The following ADGRL2 variants were observed in gnomAD, a reference collection of about 807,000 sequenced individuals.
The protein encoded by ADGRL2 is adhesion G protein-coupled receptor L2.
Under a neutral mutation model 157.4 loss-of-function variants are expected in ADGRL2, and 44 were observed. That is an observed-to-expected ratio of 0.28 (90% CI 0.22 to 0.36). The LOEUF is 0.36. ADGRL2 is among the 10% of genes least tolerant of loss of function. The probability of loss-of-function intolerance (pLI) is 1.00; values close to 1 mark genes in which losing one functional copy is unlikely to be tolerated. For synonymous variants in ADGRL2, 585 were observed against 624.7 expected, an observed-to-expected ratio of 0.94 and a Z score of 0.95; for missense variants, 1,510 against 1,768.9, an observed-to-expected ratio of 0.85 and a Z score of 2.63.
chr1:81,910,709 G>T (rs1572070001), intron 3 of ADGRL2, among the ~76,000 whole-genome samples: 1 of 147,324 alleles, frequency 6.8e-6, no homozygotes, highest in Non-Finnish European at 1.5e-5. Flanking sequence ...AATAATTATT[G>T]CTTATATAGA....
At chr1:81,790,061 C>A (rs867219652) in intron 2 of ADGRL2, among the ~76,000 whole-genome samples, 1 of 152,062 alleles carries the variant, frequency 6.6e-6, no homozygotes, top group African/African-American at 2.4e-5. Flanking sequence ...GAATGTAAGT[C>A]CTGTTGATTC....
At chr1:81,732,947 C>A (rs996105213) in intron 1 of ADGRL2, among the ~76,000 whole-genome samples, 2 of 152,200 alleles carry the variant, frequency 1.3e-5, no homozygotes, top group Non-Finnish European at 2.9e-5. Context: ...TTCAAATACT[C>A]TTAATCTAAA....
At position 81,932,091 on chromosome 1, in the gene ADGRL2, T is replaced by C. The variant is rs75891733; in HGVS notation, c.288-4637T>C. Among the ~76,000 whole-genome samples the C allele has an allele frequency of 6.6e-4, 100 of 152,342 alleles. 3 individuals are homozygous for C. The East Asian group carries it at 0.017, about 26-fold the overall frequency. On this transcript the variant is annotated intron_variant, in intron 3 of 23. Coordinates refer to ENST00000686636, the MANE Select transcript of ADGRL2 (RefSeq NM_001366006.2). ...GAATAAGTAAGTCAAAGATTGAATA[T>C]AGGAAAATTGGCAGTGATTACAATG...
intron 3 of ADGRL2, among the ~76,000 whole-genome samples, chr1:81,627,669 G>A (rs967963001): frequency 6.6e-6 from 1 of 152,248 alleles, no homozygotes; most frequent in African/African-American, 2.4e-5. Flanking sequence ...TTTCTGAGTG[G>A]AAGCAGACTG....
In ADGRL2 at chr1:81,900,365, C is replaced by T. The variant is rs369173473; in HGVS notation, c.74-6652C>T. Among the ~76,000 whole-genome samples the T allele has an allele frequency of 7.2e-4, 110 of 152,238 alleles. No homozygotes were observed. The South Asian group carries it at 0.012, about 17-fold the overall frequency. ...TAGCATCGGGCTGCTCCTTATCCCC[C>T]GCAATCCCTCCATCTCTTACTCCTT... On this transcript the variant is annotated intron_variant, in intron 2 of 23. Coordinates refer to ENST00000686636, the MANE Select transcript of ADGRL2 (RefSeq NM_001366006.2).
chr1:81,754,968 G>A (rs1339200904), intron 1 of ADGRL2, among the ~76,000 whole-genome samples: 3 of 151,596 alleles, frequency 2.0e-5, no homozygotes, highest in Non-Finnish European at 4.4e-5. Flanking sequence ...TGGAGATAAG[G>A]AACAAAGGTG....
At chr1:81,711,784 G>T (rs1473512989) in intron 1 of ADGRL2, among the ~76,000 whole-genome samples, 1 of 152,138 alleles carries the variant, frequency 6.6e-6, no homozygotes, top group Non-Finnish European at 1.5e-5. Context: ...TTTGAAAATA[G>T]ATTTCACTTT....
intron 3 of ADGRL2, among the ~76,000 whole-genome samples, chr1:81,607,898 AT>A (rs1165167406): frequency 6.6e-6 from 1 of 152,196 alleles, no homozygotes; most frequent in Non-Finnish European, 1.5e-5. Flanking sequence ...AATCCATTAA[AT>A]GTAGCTTTCT....
At chr1:81,990,336 GTT>G (rs1185261382) in intron 23 of ADGRL2, 53 bp from the exon 24 acceptor site, 1 of 1,556,230 alleles carries the variant, frequency 6.4e-7, no homozygotes, top group African/African-American at 1.4e-5. Flanking sequence ...AAGAAATAGA[GTT>G]TCTGTGGAAA....
At chr1:81,473,742 G>A (rs2078218393) in intron 2 of ADGRL2, among the ~76,000 whole-genome samples, 1 of 151,902 alleles carries the variant, frequency 6.6e-6, no homozygotes, top group Non-Finnish European at 1.5e-5. Context: ...ATCAAGGGTA[G>A]CGCTGCAGCA....
At chr1:81,606,924 G>A (rs1379780294) in intron 3 of ADGRL2, among the ~76,000 whole-genome samples, 2 of 152,094 alleles carry the variant, frequency 1.3e-5, no homozygotes, top group African/African-American at 4.8e-5. Context: ...AAGCATTTTA[G>A]ACAATGAAAT....
intron 2 of ADGRL2, among the ~76,000 whole-genome samples, chr1:81,895,267 T>A (rs2151502217): frequency 6.6e-6 from 1 of 152,250 alleles, no homozygotes; most frequent in African/African-American, 2.4e-5. Flanking sequence ...GTTACACAGG[T>A]AACTTTATAC....
At chr1:81,817,326 G>A (rs1401405008) in intron 1 of ADGRL2, among the ~76,000 whole-genome samples, 2 of 150,718 alleles carry the variant, frequency 1.3e-5, no homozygotes, top group Non-Finnish European at 1.5e-5. Flanking sequence ...ATAAAAATTC[G>A]GTGGAAATCA....
At chr1:81,526,378 C>A (rs947579424) in intron 2 of ADGRL2, among the ~76,000 whole-genome samples, 3 of 152,204 alleles carry the variant, frequency 2.0e-5, no homozygotes, top group African/African-American at 7.2e-5. Flanking sequence ...ACATTATTAC[C>A]CTCCTTTCAC....
chr1:81,423,048 C>A (rs1341563549), intron 1 of ADGRL2, among the ~76,000 whole-genome samples: 1 of 152,162 alleles, frequency 6.6e-6, no homozygotes, highest in Non-Finnish European at 1.5e-5. Context: ...TTGAGACCAA[C>A]TTGCAAATAT....
intron 3 of ADGRL2, among the ~76,000 whole-genome samples, chr1:81,692,750 C>T (rs564384975): frequency 6.6e-6 from 1 of 152,202 alleles, no homozygotes; most frequent in Admixed American, 6.5e-5. Context: ...CAGTAATAGG[C>T]ATTTTTTGCC....
intron 2 of ADGRL2, among the ~76,000 whole-genome samples, chr1:81,904,743 A>G (rs2148249301): frequency 6.6e-6 from 1 of 152,326 alleles, no homozygotes; most frequent in South Asian, 2.1e-4. Flanking sequence ...CCTTGTCTCT[A>G]CTAAGAATAC....
At chr1:81,547,828 G>A (rs1374339338) in intron 2 of ADGRL2, among the ~76,000 whole-genome samples, 2 of 152,160 alleles carry the variant, frequency 1.3e-5, no homozygotes, top group Non-Finnish European at 1.5e-5. Flanking sequence ...TGATTTAAGG[G>A]ATAAGTGTCA....
intron 1 of ADGRL2, among the ~76,000 whole-genome samples, chr1:81,735,653 G>A (rs1407406819): frequency 1.3e-5 from 2 of 152,040 alleles, no homozygotes; most frequent in African/African-American, 4.8e-5. Context: ...AGCCCAGCAT[G>A]ATGGTGGATG....
Sources: allele counts gnomAD v4.1 joint callset (sites outside exome capture counted in the v4.1 genomes callset), GRCh38; gene constraint gnomAD v4.1.1; transcripts MANE v1.5; gene names NCBI Gene and HGNC (gene_info 2026-07-23, HGNC 2026-07-21).